The following PTPN14 variants were observed in gnomAD, a reference collection of about 807,000 sequenced individuals.
The protein encoded by PTPN14 is tyrosine-protein phosphatase non-receptor type 14.
A neutral mutation model predicts 126.8 loss-of-function variants in PTPN14; 53 were observed. The ratio of observed to expected loss-of-function variants is 0.42; its 90% confidence interval spans 0.34 to 0.53. The LOEUF is 0.53. PTPN14 is among the 20% of genes least tolerant of loss of function. PTPN14 has a pLI of 0.08. For missense variants in PTPN14, 1,257 were observed against 1,552.9 expected, an observed-to-expected ratio of 0.81 and a Z score of 3.20; for synonymous variants, 630 against 599.3, an observed-to-expected ratio of 1.05 and a Z score of -0.75.
chr1:214,497,946 A>C (rs1654576489), intron 1 of PTPN14, among the ~76,000 whole-genome samples: 1 of 152,172 alleles, frequency 6.6e-6, no homozygotes, highest in Non-Finnish European at 1.5e-5. Flanking sequence ...GAGAGAGAAA[A>C]GGACAAAAGA....
Position 214,354,401 on chromosome 1 carries a change from T to C in PTPN14, c.*3521A>G, listed in dbSNP as rs1456057996. 1 of 152,196 alleles carries C rather than the reference T, an allele frequency of 6.6e-6. No homozygotes were observed. The highest frequency in any genetic ancestry group is 2.4e-5 in the African/African-American group (1 of 41,444). 9.4% of individuals were successfully genotyped at this position (152,196 alleles called of 1,614,324 possible). ...CTATGTAATCAATGTTTAACATCCT[T>C]TTTTCATGCAACTAAATCCTCCTTT... On this transcript the variant is annotated 3_prime_UTR_variant, in exon 19 of 19. Coordinates refer to ENST00000366956, the MANE Select transcript of PTPN14 (RefSeq NM_005401.5).
intron 1 of PTPN14, among the ~76,000 whole-genome samples, chr1:214,520,065 A>AAAAAAAAAAAAAAATATATATAT: frequency 1.5e-3 from 105 of 71,030 alleles, no homozygotes; most frequent in Non-Finnish European, 1.9e-3. Flanking sequence ...AAAAAAAAAA[A>AAAAAAAAAAAAAAATATATATAT]ATATATATAT....
chr1:214,386,987 C>T (rs1289225556), intron 11 of PTPN14, 65 bp from the exon 12 acceptor site: 14 of 1,436,358 alleles, frequency 9.7e-6, no homozygotes, highest in Admixed American at 1.9e-5. Flanking sequence ...CTCACACAGC[C>T]GGCCCAGGCA....
chr1:214,492,351 G>A (rs1278864092), intron 1 of PTPN14, among the ~76,000 whole-genome samples: 2 of 152,148 alleles, frequency 1.3e-5, no homozygotes, highest in South Asian at 2.1e-4. Flanking sequence ...TCTGGCATCT[G>A]CAGATTCAGC....
chr1:214,362,373 C>T (rs2102506919), intron 18 of PTPN14, among the ~76,000 whole-genome samples: 1 of 152,290 alleles, frequency 6.6e-6, no homozygotes, highest in South Asian at 2.1e-4. Flanking sequence ...TGACCACGTC[C>T]CAGCAAAGAA....
chr1:214,490,537 T>C (rs1462392298), intron 1 of PTPN14, among the ~76,000 whole-genome samples: 4 of 152,132 alleles, frequency 2.6e-5, no homozygotes, highest in Non-Finnish European at 5.9e-5. Context: ...TTCACAGTTA[T>C]ATTTGTGTTC....
rs936921416 is a variant in PTPN14 at position 214,353,417 on chromosome 1, A to C, written c.*4505T>G. 1.3e-5 allele frequency: 2 copies of C among 152,200 alleles called. No homozygotes were observed. Among genetic ancestry groups the C allele is most frequent in the African/African-American group, 4.8e-5 (2 of 41,458 alleles). The allele number at this position is 152,200 out of a possible 1,614,324, so 9.4% of individuals were successfully genotyped here. ...ACTTTGTGGGTTTCCCCTCTTCCCC[A>C]AATATTTTTCAATCTGTACTTGGTT... On this transcript the variant is annotated 3_prime_UTR_variant, in exon 19 of 19. Coordinates refer to ENST00000366956, the MANE Select transcript of PTPN14 (RefSeq NM_005401.5).
chr1:214,372,496 TG>T, intron 16 of PTPN14: 2 of 623,678 alleles, frequency 3.2e-6, no homozygotes, highest in Non-Finnish European at 5.3e-6. Context: ...CAGATGAAAA[TG>T]GGAGGAGGAA....
chr1:214,378,076 G>A lies in PTPN14; in HGVS notation c.2571C>T (p.Gly857=), dbSNP rs960932297. 1 of 1,610,662 alleles carries A rather than the reference G, an allele frequency of 6.2e-7. No individual in the cohort carries two copies. The highest frequency in any genetic ancestry group is 1.3e-5 in the African/African-American group (1 of 74,750). ...TCAGCGGCCTCTTCTGTGCCTCCAG[G>A]CCTGCCATCTTCTGCTTCTCTAGAT... ...IRNLEKQKMA[G]LEAQKRPLML... is the part of the protein sequence containing the mutation. Residue 857 remains glycine (G), a synonymous_variant, in exon 14 of 19, where the codon GGC becomes GGT. Coordinates refer to ENST00000366956, the MANE Select transcript of PTPN14 (RefSeq NM_005401.5).
intron 3 of PTPN14, among the ~76,000 whole-genome samples, chr1:214,446,471 T>A (rs79962553): frequency 1.0e-3 from 155 of 152,270 alleles, no homozygotes; most frequent in African/African-American, 3.6e-3. Flanking sequence ...TATGTCAAAT[T>A]AATGTCAAAA....
chr1:214,415,594 A>G (rs1659408092), intron 3 of PTPN14, among the ~76,000 whole-genome samples: 1 of 152,168 alleles, frequency 6.6e-6, no homozygotes, highest in Non-Finnish European at 1.5e-5. Flanking sequence ...TGGCATCTCA[A>G]TCAAGGGAAC....
chr1:214,452,496 G>A (rs1481562444), intron 2 of PTPN14, among the ~76,000 whole-genome samples: 1 of 152,142 alleles, frequency 6.6e-6, no homozygotes, highest in African/African-American at 2.4e-5. Flanking sequence ...CTCTTTTCGT[G>A]TGCTTTAAAA....
At chr1:214,470,490 A>C (rs563678196) in intron 1 of PTPN14, among the ~76,000 whole-genome samples, 148 of 152,210 alleles carry the variant, frequency 9.7e-4, no homozygotes, top group African/African-American at 3.5e-3. Flanking sequence ...CCACGTAAAA[A>C]CACTGCACTT....
chr1:214,490,730 C>T (rs981372108), intron 1 of PTPN14, among the ~76,000 whole-genome samples: 5 of 150,014 alleles, frequency 3.3e-5, no homozygotes, highest in Admixed American at 6.7e-5. Flanking sequence ...CCAGCTACTT[C>T]GGAGGCTACA....
intron 2 of PTPN14, among the ~76,000 whole-genome samples, chr1:214,458,001 CTATATCT>C (rs1558111185): frequency 7.1e-4 from 3 of 4,224 alleles, no homozygotes; most frequent in Non-Finnish European, 1.1e-3. Context: ...TCATCTATAT[CTATATCT>C]ATATCTATAT....
intron 1 of PTPN14, among the ~76,000 whole-genome samples, chr1:214,470,784 C>CA (rs71165975): frequency 0.82 from 84,145 of 102,736 alleles, 34,261 homozygotes; most frequent in African/African-American, 0.88. Flanking sequence ...AATTCCATCT[C>CA]AAAAAAAAAA....
At chr1:214,476,382 G>A (rs1348871722) in intron 1 of PTPN14, among the ~76,000 whole-genome samples, 1 of 152,210 alleles carries the variant, frequency 6.6e-6, no homozygotes, top group African/African-American at 2.4e-5. Context: ...CTTTTCCGGA[G>A]AGGTGCGCCC....
chr1:214,380,076 T>G (rs895995435), intron 13 of PTPN14, among the ~76,000 whole-genome samples: 7 of 152,214 alleles, frequency 4.6e-5, no homozygotes, highest in Non-Finnish European at 8.8e-5. Flanking sequence ...GGGGGAAGAT[T>G]CTGGATTAAA....
chr1:214,431,483 C>T (rs1659796034), intron 3 of PTPN14, among the ~76,000 whole-genome samples: 1 of 152,178 alleles, frequency 6.6e-6, no homozygotes, highest in Middle Eastern at 3.2e-3. Context: ...CCTGAACATA[C>T]AAAGAGTGAA....
Sources: gnomAD v4.1 joint callset for allele counts (sites outside exome capture counted in the v4.1 genomes callset) on GRCh38, gnomAD v4.1.1 for gene constraint, MANE v1.5 for transcripts, NCBI Gene and HGNC (gene_info 2026-07-23, HGNC 2026-07-21) for gene names.